ERRFI1: variants seen among roughly 807,000 people sequenced by gnomAD.
ERRFI1 encodes the protein ERBB receptor feedback inhibitor 1.
Under a neutral mutation model 14.6 loss-of-function variants are expected in ERRFI1, and 12 were observed. That is an observed-to-expected ratio of 0.82 (90% CI 0.53 to 1.33). ERRFI1 has a LOEUF of 1.33. Among genes scored for constraint, ERRFI1 ranks in the 40% most tolerant of loss-of-function variants. The probability of loss-of-function intolerance (pLI) is 0.00; values close to 1 mark genes in which losing one functional copy is unlikely to be tolerated. For missense variants in ERRFI1, 482 were observed against 572.1 expected (o/e 0.84, Z 1.61); for synonymous variants, 202 against 209.9 (o/e 0.96, Z 0.32).
chr1:8,013,525 A>G lies in ERRFI1; in HGVS notation c.1074T>C (p.Tyr358=), dbSNP rs769819138. 6 of 1,614,124 alleles carry G rather than the reference A, an allele frequency of 3.7e-6. No homozygotes were observed. The East Asian group carries it at 8.9e-5, about 24-fold the overall frequency. ...PTQSFAPDPK[Y]VSSKALQRQN... ...GTCTTTGCAGTGCTTTGCTGCTGACATACTTGGGATCAGGGGCAAAGCTCT... is the reference window on the plus strand; with the variant it reads ...GTCTTTGCAGTGCTTTGCTGCTGACGTACTTGGGATCAGGGGCAAAGCTCT... The change falls in exon 4 of 4, where the codon TAT becomes TAC. Residue 358 remains tyrosine (Y), a synonymous_variant. Coordinates refer to ENST00000377482, the MANE Select transcript of ERRFI1 (RefSeq NM_018948.4). The surrounding 1 kb of genome is among the most constrained non-coding windows in gnomAD (Gnocchi z 4.3).
rs115319278 is a variant in ERRFI1 at position 8,016,678 on chromosome 1, G to A, written c.-73-986C>T. Among the ~76,000 whole-genome samples the A allele has an allele frequency of 2.5e-3, 377 of 152,128 alleles. 1 individual carries two copies. Among genetic ancestry groups the A allele is most frequent in the African/African-American group, 8.6e-3 (358 of 41,518 alleles). On this transcript the variant is annotated intron_variant, in intron 1 of 3. Transcript: ENST00000377482. ...TAGCCAAGTTTATTTATAAGTTTAG[G>A]TTTTTTTCCTTAGGCACCAGGATAT...
chr1:8,018,478 ATCTG>A (rs951772090), intron 1 of ERRFI1, among the ~76,000 whole-genome samples: 13 of 150,202 alleles, frequency 8.7e-5, no homozygotes, highest in African/African-American at 2.4e-4. Flanking sequence ...TTCACATTTT[ATCTG>A]TCTTACAACT....
rs752804665 is a variant in ERRFI1 at position 8,014,195 on chromosome 1, T to G, written c.404A>C (p.Asn135Thr). Residue 135 changes from asparagine (N) to threonine (T), a missense_variant, in exon 4 of 4, where the codon AAC becomes ACC. By Grantham distance (65) the Asn-to-Thr change is moderately conservative. Coordinates refer to ENST00000377482, the MANE Select transcript of ERRFI1 (RefSeq NM_018948.4). ...ASTPPLTPIK[N>T]SPSLFPCAPL... is the part of the protein sequence containing the mutation. ...GGCACAGGGGAAAAGGGAAGGGGAG[T>G]TTTTTATGGGTGTCAGTGGAGGGGT... 2 of 1,611,448 alleles carry G rather than the reference T, an allele frequency of 1.2e-6. No homozygotes were observed. Among genetic ancestry groups the G allele is most frequent in the Non-Finnish European group, 1.7e-6 (2 of 1,179,176 alleles).
At chr1:8,021,623 C>T (rs970352266) in intron 1 of ERRFI1, among the ~76,000 whole-genome samples, 1 of 152,156 alleles carries the variant, frequency 6.6e-6, no homozygotes, top group Non-Finnish European at 1.5e-5. Context: ...CGATGGGTAA[C>T]TCTAGATTGT....
At chr1:8,022,387 G>A (rs1027420119) in intron 1 of ERRFI1, among the ~76,000 whole-genome samples, 1 of 152,136 alleles carries the variant, frequency 6.6e-6, no homozygotes, top group Non-Finnish European at 1.5e-5. Context: ...TTTAACAATA[G>A]CATACCTTAT....
chr1:8,024,217 T>G (rs373704947), intron 1 of ERRFI1, among the ~76,000 whole-genome samples: 1 of 152,190 alleles, frequency 6.6e-6, no homozygotes, highest in Non-Finnish European at 1.5e-5. Context: ...AGCTCAACTT[T>G]TGAGAAGCAG....
At chr1:8,021,309 C>G (rs1267191434) in intron 1 of ERRFI1, among the ~76,000 whole-genome samples, 1 of 152,206 alleles carries the variant, frequency 6.6e-6, no homozygotes, top group African/African-American at 2.4e-5. Flanking sequence ...CCCATTCCCT[C>G]AACTACCATA....
At position 8,011,916 on chromosome 1, in the gene ERRFI1, T is replaced by A. The variant is rs570368563; in HGVS notation, c.*1294A>T. On this transcript the variant is annotated 3_prime_UTR_variant, in exon 4 of 4. Transcript: ENST00000377482. ...AAGCTTTAAATAGCTCAAATAATAT[T>A]CAGCAGTTTAAACTGTAAACAGCTT... is the stretch of plus-strand genomic sequence containing the variant. The A allele has an allele frequency of 8.8e-6, 2 of 226,904 alleles. No individual in the cohort carries two copies. The highest frequency in any genetic ancestry group is 3.7e-4 in the South Asian group (2 of 5,472). 14.1% of individuals were successfully genotyped at this position (226,904 alleles called of 1,614,324 possible).
intron 3 of ERRFI1, 91 bp from the exon 4 acceptor site, chr1:8,014,487 A>G: frequency 1.6e-6 from 2 of 1,265,816 alleles, no homozygotes; most frequent in Non-Finnish European, 2.2e-6. Context: ...ATGCTTCCAC[A>G]GCTTTCTTCC....
chr1:8,026,120 T>C (rs1251237588), intron 1 of ERRFI1, 38 bp downstream of exon 1: 3 of 151,572 alleles, frequency 2.0e-5, no homozygotes, highest in African/African-American at 7.3e-5. Context: ...GAGCGCTGCG[T>C]GGCCCTCCCC....
At chr1:8,014,612 T>C (rs1641145352) in intron 3 of ERRFI1, 3 of 544,410 alleles carry the variant, frequency 5.5e-6, no homozygotes, top group South Asian at 2.6e-5. Flanking sequence ...ACAAACTATC[T>C]CCTCTATCTC....
rs1052848172 is a variant in ERRFI1, at chr1:8,013,006, G to T, written c.*204C>A. 3.6e-6 allele frequency: 2 copies of T among 555,806 alleles called. No individual in the cohort carries two copies. The highest frequency in any genetic ancestry group is 3.8e-5 in the African/African-American group (2 of 53,224). 34.4% of individuals were successfully genotyped at this position (555,806 alleles called of 1,614,324 possible). Reference sequence around the variant, plus strand: ...CATCACATCTTTAAATTATAGACTTGTAAGACTTTTTTCCAACACTAACAA... The same window carrying T: ...CATCACATCTTTAAATTATAGACTTTTAAGACTTTTTTCCAACACTAACAA... On this transcript the variant is annotated 3_prime_UTR_variant, in exon 4 of 4. Transcript: ENST00000377482. This position sits in a 1 kb window ranked among gnomAD's most constrained non-coding sequence, Gnocchi z 4.3.
chr1:8,016,077 G>C (rs1278500471), intron 1 of ERRFI1, among the ~76,000 whole-genome samples: 1 of 152,164 alleles, frequency 6.6e-6, no homozygotes, highest in Non-Finnish European at 1.5e-5. Flanking sequence ...TGAAGCACCA[G>C]TGGATCCTGC....
At chr1:8,020,364 A>G (rs1222263023) in intron 1 of ERRFI1, among the ~76,000 whole-genome samples, 7 of 152,206 alleles carry the variant, frequency 4.6e-5, no homozygotes, top group African/African-American at 1.2e-4. Context: ...TTCCATAACC[A>G]AGGAAGATAA....
intron 1 of ERRFI1, among the ~76,000 whole-genome samples, chr1:8,024,718 T>C (rs1641320580): frequency 6.6e-6 from 1 of 152,192 alleles, no homozygotes; most frequent in Non-Finnish European, 1.5e-5. Flanking sequence ...TTATTTTTCT[T>C]CAAACTTGCT....
At position 8,013,260 on chromosome 1, in the gene ERRFI1, G is replaced by C. The variant is rs773930239; in HGVS notation, c.1339C>G (p.Leu447Val). ...EKPDSKTKMD[L>V]GGHVKRKHLS... ...TGTTTACGCTTCACGTGGCCACCCA[G>C]ATCCATTTTTGTTTTTGAGTCTGGC... Residue 447 changes from leucine (L) to valine (V), a missense_variant, in exon 4 of 4, where the codon CTG becomes GTG. Leu to Val is a conservative substitution (Grantham distance 32). Transcript: ENST00000377482. The surrounding 1 kb of genome is among the most constrained non-coding windows in gnomAD (Gnocchi z 4.3). 6.2e-7 allele frequency: 1 copy of C among 1,614,082 alleles called. No individual in the cohort carries two copies. Among genetic ancestry groups the C allele is most frequent in the Non-Finnish European group, 8.5e-7 (1 of 1,180,020 alleles).
intron 1 of ERRFI1, among the ~76,000 whole-genome samples, chr1:8,017,099 A>C (rs1641185945): frequency 6.6e-6 from 1 of 152,088 alleles, no homozygotes; most frequent in South Asian, 2.1e-4. Flanking sequence ...TAATTATCAT[A>C]ATCAGTATCA....
At chr1:8,016,259 G>A (rs906706085) in intron 1 of ERRFI1, among the ~76,000 whole-genome samples, 4 of 152,202 alleles carry the variant, frequency 2.6e-5, no homozygotes, top group Admixed American at 6.5e-5. Flanking sequence ...GGTTGGCCAT[G>A]GGGAGACAAA....
rs150446205 is a variant in ERRFI1 at position 8,013,730 on chromosome 1, G to A, written c.869C>T (p.Pro290Leu). 8.1e-6 allele frequency: 13 copies of A among 1,614,062 alleles called. No individual in the cohort carries two copies. In the African/African-American group the frequency reaches 1.7e-4, roughly 22 times the overall value. ...ATAATCTGGCTTTACTGGTCTAGGA[G>A]GTATGGGAACTCTGGGGGGAACCTC... is the stretch of plus-strand genomic sequence containing the variant. The part of the protein sequence containing the change: ...KPEVPPRVPI[P>L]PRPVKPDYRR... The change falls in exon 4 of 4, where the codon CCT becomes CTT. Residue 290 changes from proline to leucine, a missense_variant. Physicochemically the swap from Pro to Leu is moderately conservative, Grantham distance 98. Transcript: ENST00000377482. This position sits in a 1 kb window ranked among gnomAD's most constrained non-coding sequence, Gnocchi z 4.3.
Sources: allele counts gnomAD v4.1 joint callset (sites outside exome capture counted in the v4.1 genomes callset), GRCh38; gene constraint gnomAD v4.1.1; non-coding constraint Gnocchi (gnomAD v3.1); transcripts MANE v1.5; gene names NCBI Gene and HGNC (gene_info 2026-07-23, HGNC 2026-07-21).